PRDM6: variants seen among roughly 807,000 people sequenced by gnomAD.
PRDM6 encodes the protein PR/SET domain 6.
In PRDM6, 25 loss-of-function variants were observed where a neutral mutation model predicts 60.8. That is an observed-to-expected ratio of 0.41 (90% CI 0.30 to 0.57). PRDM6 has a LOEUF of 0.57. Ranked by LOEUF, PRDM6 falls within the 20% of genes least tolerant of loss-of-function variation. The probability of loss-of-function intolerance (pLI) is 0.27; values close to 1 mark genes in which losing one functional copy is unlikely to be tolerated. For missense variants in PRDM6, 839 were observed against 821.3 expected, an observed-to-expected ratio of 1.02 and a Z score of -0.26; for synonymous variants, 407 against 357.4, an observed-to-expected ratio of 1.14 and a Z score of -1.57.
At chr5:123,145,476 C>T (rs1321814358) in intron 3 of PRDM6, among the ~76,000 whole-genome samples, 3 of 152,224 alleles carry the variant, frequency 2.0e-5, no homozygotes, top group Non-Finnish European at 4.4e-5. Context: ...TCGTTACTGT[C>T]ATCACCCTCT....
At chr5:123,159,382 G>T in intron 4 of PRDM6, 132 bp from the exon 5 acceptor site, 6 of 965,412 alleles carry the variant, frequency 6.2e-6, no homozygotes, top group Non-Finnish European at 9.0e-6. Flanking sequence ...ACAATCAGTT[G>T]GATGTAAATT....
intron 2 of PRDM6, among the ~76,000 whole-genome samples, chr5:123,094,984 C>T (rs1763925601): frequency 6.6e-6 from 1 of 152,236 alleles, no homozygotes. Context: ...GCAGAGAACG[C>T]CCAGAGCTTT....
chr5:123,139,410 G>A (rs904291277), intron 3 of PRDM6, among the ~76,000 whole-genome samples: 1 of 152,060 alleles, frequency 6.6e-6, no homozygotes, highest in African/African-American at 2.4e-5. Flanking sequence ...TGTTTAGGTA[G>A]TCTGTGAAAT....
At chr5:123,155,860 T>C in intron 3 of PRDM6, 24 bp from the exon 4 acceptor site, 2 of 1,548,278 alleles carry the variant, frequency 1.3e-6, no homozygotes, top group Non-Finnish European at 1.7e-6. Context: ...TTCTAACTAC[T>C]TGACCTTCTG....
At chr5:123,157,015 G>T (rs1765516192) in intron 4 of PRDM6, among the ~76,000 whole-genome samples, 1 of 151,214 alleles carries the variant, frequency 6.6e-6, no homozygotes, top group Non-Finnish European at 1.5e-5. Context: ...AGAGGGCTCT[G>T]TGCTCAGCAA....
At position 123,110,922 on chromosome 5, in the gene PRDM6, T is replaced by C. The variant is rs533474509; in HGVS notation, c.900+10961T>C. Among the ~76,000 whole-genome samples, 9 of 152,178 alleles carry C rather than the reference T, an allele frequency of 5.9e-5. No homozygotes were observed. In the South Asian group the frequency reaches 1.0e-3, roughly 18 times the overall value. On this transcript the variant is annotated intron_variant, in intron 3 of 7. Transcript: ENST00000407847. ...GATACTCAAACTATGTCACGACCAA[T>C]CCAGGTTAGTCCCTGAGCCTCACAT...
At chr5:123,181,650 C>A (rs1446796440) in intron 7 of PRDM6, among the ~76,000 whole-genome samples, 3 of 152,158 alleles carry the variant, frequency 2.0e-5, no homozygotes, top group African/African-American at 7.2e-5. Flanking sequence ...TATGTACCTT[C>A]TGTAGGACAT....
chr5:123,141,722 T>G (rs574941363), intron 3 of PRDM6, among the ~76,000 whole-genome samples: 7 of 152,262 alleles, frequency 4.6e-5, no homozygotes, highest in African/African-American at 1.7e-4. Context: ...TCAGAAATAT[T>G]GAAGTAGAAG....
chr5:123,114,232 G>T (rs1322103250), intron 3 of PRDM6, among the ~76,000 whole-genome samples: 2 of 152,208 alleles, frequency 1.3e-5, no homozygotes, highest in Non-Finnish European at 1.5e-5. Context: ...GTCTTTCCAA[G>T]CCCAGGTCTG....
At chr5:123,186,935 A>C (rs1766301244) in intron 7 of PRDM6, among the ~76,000 whole-genome samples, 152 bp from the exon 8 acceptor site, 1 of 152,238 alleles carries the variant, frequency 6.6e-6, no homozygotes, top group African/African-American at 2.4e-5. Flanking sequence ...ACAGGCATCC[A>C]GGCCTTGGAA....
In PRDM6 at chr5:123,161,213, A is replaced by G. The variant is rs566394627; in HGVS notation, c.1153+1575A>G. 5.9e-5 allele frequency among the ~76,000 whole-genome samples: 9 copies of G among 152,358 alleles called. No individual in the cohort carries two copies. The East Asian group carries it at 1.7e-3, about 29-fold the overall frequency. On this transcript the variant is annotated intron_variant, in intron 5 of 7. Coordinates refer to ENST00000407847, the MANE Select transcript of PRDM6 (RefSeq NM_001136239.4). The stretch of plus-strand genomic sequence containing the variant: ...TTGAGGGATGTCTAGAGTAAACAAC[A>G]TATCAAGGCCAAACATTTATTCATT...
At chr5:123,144,771 A>G (rs530515035) in intron 3 of PRDM6, among the ~76,000 whole-genome samples, 63 of 152,336 alleles carry the variant, frequency 4.1e-4, no homozygotes, top group Non-Finnish European at 6.9e-4. Context: ...TACTTTTGAA[A>G]GCAACATTGT....
chr5:123,106,058 G>A (rs967670575), intron 3 of PRDM6, among the ~76,000 whole-genome samples: 4 of 152,222 alleles, frequency 2.6e-5, no homozygotes, highest in African/African-American at 9.6e-5. Context: ...CCTGGTTGAA[G>A]GCTGTTAACA....
At chr5:123,150,304 A>C (rs1271962047) in intron 3 of PRDM6, among the ~76,000 whole-genome samples, 1 of 152,144 alleles carries the variant, frequency 6.6e-6, no homozygotes, top group Non-Finnish European at 1.5e-5. Context: ...ACCCACATGC[A>C]AGCTCTTAAC....
intron 3 of PRDM6, among the ~76,000 whole-genome samples, chr5:123,151,971 T>A (rs1254230688): frequency 6.6e-6 from 1 of 152,038 alleles, no homozygotes; most frequent in Non-Finnish European, 1.5e-5. Context: ...TTTGAAAGCC[T>A]GTGCTGGTAA....
rs78196308 is a variant in PRDM6 at position 123,089,497 on chromosome 5, C to T, written c.-38C>T. ...GCTCACCGAGACACCCGCACGCACC[C>T]ACCGGCAGCACCGAGTTTTCAGGTA... On this transcript the variant is annotated 5_prime_UTR_variant, in exon 1 of 8. Coordinates refer to ENST00000407847, the MANE Select transcript of PRDM6 (RefSeq NM_001136239.4). The T allele has an allele frequency of 0.015, 2,369 of 157,708 alleles. 56 individuals are homozygous for T. The highest frequency in any genetic ancestry group is 0.054 in the African/African-American group (2,251 of 41,620). 9.8% of individuals were successfully genotyped at this position (157,708 alleles called of 1,614,324 possible).
intron 3 of PRDM6, among the ~76,000 whole-genome samples, chr5:123,108,919 G>T (rs1264755237): frequency 6.6e-6 from 1 of 152,034 alleles, no homozygotes; most frequent in African/African-American, 2.4e-5. Flanking sequence ...TTTTCACAGG[G>T]TTCCAGTAAA....
intron 5 of PRDM6, among the ~76,000 whole-genome samples, chr5:123,166,442 T>TGG (rs199651632): frequency 2.2e-5 from 3 of 138,450 alleles, no homozygotes; most frequent in East Asian, 3.0e-4. Flanking sequence ...CTAAAATTTA[T>TGG]GTTTTTGTTT....
chr5:123,194,038 G>A lies in PRDM6; in HGVS notation c.*6837G>A, dbSNP rs694117. On this transcript the variant is annotated 3_prime_UTR_variant, in exon 8 of 8. Transcript: ENST00000407847. ...ATATGACAAGAATGATTATCCCACAGTAAGAATGGGTAAAACTTAATAAAG... is the reference window on the plus strand; with the variant it reads ...ATATGACAAGAATGATTATCCCACAATAAGAATGGGTAAAACTTAATAAAG... The A allele has an allele frequency of 6.6e-6, 1 of 152,062 alleles. No homozygotes were observed. The highest frequency in any genetic ancestry group is 1.5e-5 in the Non-Finnish European group (1 of 68,010). 9.4% of individuals were successfully genotyped at this position (152,062 alleles called of 1,614,324 possible). A position where few individuals can be genotyped will look rare whatever the true frequency, so the allele number is the denominator to read the frequency against.
Sources: gnomAD v4.1 joint callset for allele counts (sites outside exome capture counted in the v4.1 genomes callset) on GRCh38, gnomAD v4.1.1 for gene constraint, MANE v1.5 for transcripts, NCBI Gene and HGNC (gene_info 2026-07-23, HGNC 2026-07-21) for gene names.